The following CAND2 variants were observed in gnomAD, a reference collection of about 807,000 sequenced individuals.
The protein encoded by CAND2 is cullin associated and neddylation dissociated 2 (putative), also known as cullin-associated NEDD8-dissociated protein 2.
CAND2 carries 62 observed loss-of-function variants against 98.9 expected under a neutral mutation model. That is an observed-to-expected ratio of 0.63 (90% CI 0.51 to 0.77). The LOEUF is 0.77. Among genes scored for constraint, CAND2 ranks in the 30% least tolerant of loss-of-function variants. The probability of loss-of-function intolerance (pLI) is 0.00; values close to 1 mark genes in which losing one functional copy is unlikely to be tolerated. For synonymous variants in CAND2, 770 were observed against 731.9 expected (o/e 1.05, Z -0.84); for missense variants, 1,501 against 1,655.2 (o/e 0.91, Z 1.62).
intron 11 of CAND2, among the ~76,000 whole-genome samples, chr3:12,822,298 C>CTT (rs532826939): frequency 0.59 from 78,092 of 131,880 alleles, 23,923 homozygotes; most frequent in African/African-American, 0.64. Flanking sequence ...ATGTTTCAAT[C>CTT]TTTTTTTTTT....
intron 2 of CAND2, among the ~76,000 whole-genome samples, chr3:12,805,947 G>T (rs932578538): frequency 6.6e-6 from 1 of 152,132 alleles, no homozygotes; most frequent in East Asian, 1.9e-4. Flanking sequence ...TGCCAAGGTG[G>T]TATTACTCCT....
chr3:12,834,195 C>T lies in CAND2; in HGVS notation c.*213C>T. The T allele has an allele frequency of 3.4e-6, 2 of 586,172 alleles. No individual in the cohort carries two copies. Among genetic ancestry groups the T allele is most frequent in the Admixed American group, 6.0e-5 (2 of 33,542 alleles). 36.3% of individuals were successfully genotyped at this position (586,172 alleles called of 1,614,324 possible). On this transcript the variant is annotated 3_prime_UTR_variant, in exon 15 of 15. Transcript: ENST00000456430. ...TGTGAGGCTGCCAACAGTTGGGCCC[C>T]TTCCTTAACTCAGGACAGTCATCCA...
chr3:12,799,024 G>A (rs1457859587), intron 1 of CAND2, among the ~76,000 whole-genome samples: 2 of 152,124 alleles, frequency 1.3e-5, no homozygotes, highest in East Asian at 3.9e-4. Flanking sequence ...CCATTACCAC[G>A]GAGGCTCCAG....
In CAND2 at chr3:12,808,328, G is replaced by A; in HGVS notation, c.486G>A (p.Leu162=). 1 of 1,551,386 alleles carries A rather than the reference G, an allele frequency of 6.4e-7. No individual in the cohort carries two copies. Among genetic ancestry groups the A allele is most frequent in the Non-Finnish European group, 8.7e-7 (1 of 1,146,880 alleles). ...CCCTGGACATCCTCTCTGACATGCT[G>A]AGCAGGTGTGGGAGGCCATCCTGGG... ...LEALDILSDM[L]SRLGVPLGAF... is the part of the protein sequence containing the mutation. The change falls in exon 4 of 15, where the codon CTG becomes CTA. Residue 162 remains leucine, a synonymous_variant. Transcript: ENST00000456430.
rs1180612271 is a variant in CAND2, at chr3:12,817,297, G to A, written c.2365G>A (p.Ala789Thr). 6.2e-7 allele frequency: 1 copy of A among 1,613,976 alleles called. No homozygotes were observed. Among genetic ancestry groups the A allele is most frequent in the Non-Finnish European group, 8.5e-7 (1 of 1,180,038 alleles). The change falls in exon 10 of 15, where the codon GCT becomes ACT. Residue 789 changes from alanine (A) to threonine (T), a missense_variant. This residue lies in a region of CAND2 where 1,427 missense variants were observed against 1,545.3 expected (regional missense o/e 0.92). Transcript: ENST00000456430. ...SLLTAPVYEQ[A>T]VDGGPGLHKQ... Reference sequence around the variant, plus strand: ...GCTCACTGCGCCTGTTTATGAGCAGGCTGTGGATGGTGGGCCTGGCCTGCA... The same window carrying A: ...GCTCACTGCGCCTGTTTATGAGCAGACTGTGGATGGTGGGCCTGGCCTGCA...
intron 5 of CAND2, among the ~76,000 whole-genome samples, chr3:12,812,390 AT>A (rs35620069): frequency 0.067 from 4,433 of 66,654 alleles, 124 homozygotes; most frequent in African/African-American, 0.17. Context: ...TGCCCGGCTA[AT>A]TTTTTTTTTT....
At chr3:12,832,487 G>A (rs762993676) in intron 14 of CAND2, 5 of 152,204 alleles carry the variant, frequency 3.3e-5, no homozygotes, top group Non-Finnish European at 7.3e-5. Flanking sequence ...GCTCTGCCCT[G>A]AGTTTCCACA....
chr3:12,812,650 C>T (rs60203636), intron 5 of CAND2, among the ~76,000 whole-genome samples: 3,591 of 151,570 alleles, frequency 0.024, 119 homozygotes, highest in African/African-American at 0.079. Context: ...ATGATCCACC[C>T]GCCTCGGCCT....
intron 10 of CAND2, among the ~76,000 whole-genome samples, chr3:12,818,287 C>T (rs570384177): frequency 3.3e-5 from 5 of 151,944 alleles, no homozygotes; most frequent in Admixed American, 6.6e-5. Flanking sequence ...AACAAAAAAC[C>T]TCATGATGCC....
Position 12,797,635 on chromosome 3 carries a change from G to A in CAND2, c.68+847G>A, listed in dbSNP as rs74280695. On this transcript the variant is annotated intron_variant, in intron 1 of 14. Transcript: ENST00000456430. ...GAGGCCCAGGGAGGAAAAGGGATTGGCCCGTGGTCTCATGGCCAGTTCTGG... is the reference window on the plus strand; with the variant it reads ...GAGGCCCAGGGAGGAAAAGGGATTGACCCGTGGTCTCATGGCCAGTTCTGG... 4.6e-5 allele frequency among the ~76,000 whole-genome samples: 7 copies of A among 152,306 alleles called. No individual in the cohort carries two copies. In the East Asian group the frequency reaches 1.3e-3, roughly 29 times the overall value.
intron 9 of CAND2, 101 bp downstream of exon 9, chr3:12,816,109 C>G: frequency 8.1e-7 from 1 of 1,236,018 alleles, no homozygotes; most frequent in Non-Finnish European, 1.1e-6. Context: ...AGTCTGAGAC[C>G]CAATCCCAGG....
chr3:12,812,986 G>C lies in CAND2; in HGVS notation c.758-4G>C. On this transcript the variant is annotated splice_polypyrimidine_tract_variant and splice_region_variant and intron_variant, in intron 5 of 14. Transcript: ENST00000456430. ...TGGGTTCAGTGATCCACCTGGCCCT[G>C]CAGGGGCTCACCTGGACCGCCTGGT... The C allele has an allele frequency of 1.3e-6, 2 of 1,559,478 alleles. No homozygotes were observed. The highest frequency in any genetic ancestry group is 2.4e-5 in the South Asian group (2 of 84,968).
intron 11 of CAND2, among the ~76,000 whole-genome samples, chr3:12,825,151 C>T (rs1262562997): frequency 6.6e-6 from 1 of 151,054 alleles, no homozygotes; most frequent in Non-Finnish European, 1.5e-5. Context: ...TGAGGCACCA[C>T]ATTTTAAATT....
At chr3:12,828,534 G>T (rs1245981365) in intron 13 of CAND2, among the ~76,000 whole-genome samples, 1 of 151,906 alleles carries the variant, frequency 6.6e-6, no homozygotes. Context: ...TAGAGACGGG[G>T]TTTCACCATA....
At chr3:12,816,066 C>T (rs1575772112) in intron 9 of CAND2, 58 bp downstream of exon 9, 1 of 1,548,642 alleles carries the variant, frequency 6.5e-7, no homozygotes, top group Non-Finnish European at 8.9e-7. Flanking sequence ...AACCCAGACC[C>T]CACCCCTGAG....
In CAND2 at chr3:12,815,176, A is replaced by G; in HGVS notation, c.1042A>G (p.Ser348Gly). Residue 348 changes from serine to glycine, a missense_variant, in exon 8 of 15, where the codon AGC becomes GGC. This residue lies in a region of CAND2 where 1,427 missense variants were observed against 1,545.3 expected (regional missense o/e 0.92). Coordinates refer to ENST00000456430, the MANE Select transcript of CAND2 (RefSeq NM_001162499.2). This position sits in a 1 kb window ranked among gnomAD's most constrained non-coding sequence, Gnocchi z 5.7. ...CGAGTACAGCGATGACGATGACATG[A>G]GCTGGAAGGTGCGCCGGGCAGCTGC... The part of the protein sequence containing the change: ...EDEYSDDDDM[S>G]WKVRRAAAKC... 1 of 1,613,232 alleles carries G rather than the reference A, an allele frequency of 6.2e-7. No homozygotes were observed. Among genetic ancestry groups the G allele is most frequent in the Non-Finnish European group, 8.5e-7 (1 of 1,179,556 alleles).
chr3:12,812,390 A>ATTTTT (rs35620069), intron 5 of CAND2, among the ~76,000 whole-genome samples: 17 of 66,750 alleles, frequency 2.5e-4, no homozygotes, highest in African/African-American at 7.9e-4. Context: ...TGCCCGGCTA[A>ATTTTT]TTTTTTTTTT....
chr3:12,801,059 A>ATT (rs2061762912), intron 1 of CAND2, among the ~76,000 whole-genome samples: 1 of 76,264 alleles, frequency 1.3e-5, no homozygotes, highest in African/African-American at 5.4e-5. Flanking sequence ...TTTTTTTGAG[A>ATT]TGGATACTCG....
chr3:12,815,946 TCACC>T lies in CAND2; in HGVS notation c.1380_1383del (p.Thr461SerfsTer65). ...GCCCGCCAGGGATGCTTCAGCCTCCTCACCGAGCTGGCGGGTGTCCTCCCAGGCA... is the reference window on the plus strand; with the variant it reads ...GCCCGCCAGGGATGCTTCAGCCTCCTGAGCTGGCGGGTGTCCTCCCAGGCA... On this transcript the variant is annotated frameshift_variant, in exon 9 of 15. Transcript: ENST00000456430. LOFTEE classifies it high-confidence loss of function. The surrounding 1 kb of genome is among the most constrained non-coding windows in gnomAD (Gnocchi z 5.7). The T allele has an allele frequency of 6.2e-7, 1 of 1,613,848 alleles. No individual in the cohort carries two copies. Among genetic ancestry groups the T allele is most frequent in the Non-Finnish European group, 8.5e-7 (1 of 1,179,950 alleles).
Sources: allele counts gnomAD v4.1 joint callset (sites outside exome capture counted in the v4.1 genomes callset), GRCh38; gene constraint gnomAD v4.1.1; regional missense constraint gnomAD v4.1.1; non-coding constraint Gnocchi (gnomAD v3.1); transcripts MANE v1.5; gene names NCBI Gene and HGNC (gene_info 2026-07-23, HGNC 2026-07-21).